ACSM3: variants seen among roughly 807,000 people sequenced by gnomAD.
The protein encoded by ACSM3 is acyl-CoA synthetase medium chain family member 3, also known as acyl-coenzyme A synthetase ACSM3, mitochondrial.
Under a neutral mutation model 74.1 loss-of-function variants are expected in ACSM3, and 61 were observed. The ratio of observed to expected loss-of-function variants is 0.82; its 90% CI spans 0.67 to 1.02. ACSM3 has a LOEUF of 1.02. Among genes scored for constraint, ACSM3 ranks in the 50% least tolerant of loss-of-function variants. ACSM3 has a pLI of 0.00. For synonymous variants in ACSM3, 213 were observed against 241.5 expected (o/e 0.88, Z 1.09); for missense variants, 660 against 697.0 (o/e 0.95, Z 0.60).
intron 1 of ACSM3, chr16:20,738,250 A>T (rs1336283584): frequency 2.0e-6 from 1 of 489,460 alleles, no homozygotes. Context: ...ATCCAACCGT[A>T]ACACCATGCT....
chr16:20,681,753 G>A (rs892808551), intron 1 of ACSM3: 1 of 153,298 alleles, frequency 6.5e-6, no homozygotes, highest in Non-Finnish European at 1.5e-5. Context: ...ATTAAAGAAT[G>A]CATAAGCAAA....
chr16:20,795,201 C>T (rs931132287), intron 12 of ACSM3, among the ~76,000 whole-genome samples: 1 of 151,996 alleles, frequency 6.6e-6, no homozygotes, highest in African/African-American at 2.4e-5. Context: ...TGTTTTTTTT[C>T]TTAGAGACAA....
chr16:20,752,753 G>A (rs748481531), intron 2 of ACSM3, among the ~76,000 whole-genome samples: 4 of 152,206 alleles, frequency 2.6e-5, no homozygotes, highest in Non-Finnish European at 5.9e-5. Context: ...GCTGCATTAG[G>A]TGAAAAGCTG....
intron 1 of ACSM3, chr16:20,680,554 C>T (rs1300076867): frequency 6.6e-6 from 1 of 152,232 alleles, no homozygotes. Context: ...TGCCAGTGAA[C>T]CAACAGCCTC....
intron 1 of ACSM3, chr16:20,764,587 G>T (rs1182671740): frequency 2.0e-5 from 3 of 152,242 alleles, no homozygotes; most frequent in Admixed American, 1.3e-4. Flanking sequence ...GCCAGGTGTG[G>T]TGGCAGGTGC....
At chr16:20,737,162 T>G in intron 1 of ACSM3, 1 of 1,614,216 alleles carries the variant, frequency 6.2e-7, no homozygotes, top group Non-Finnish European at 8.5e-7. Flanking sequence ...GATTGTATTT[T>G]CTAAACAACA....
intron 1 of ACSM3, among the ~76,000 whole-genome samples, chr16:20,724,404 C>A (rs1371226877): frequency 2.0e-5 from 3 of 152,126 alleles, no homozygotes; most frequent in Non-Finnish European, 1.5e-5. Flanking sequence ...CTATCTATGA[C>A]AAACCCACAG....
At chr16:20,742,620 C>G (rs2079936855) in intron 1 of ACSM3, among the ~76,000 whole-genome samples, 1 of 138,004 alleles carries the variant, frequency 7.2e-6, no homozygotes, top group African/African-American at 2.7e-5. Context: ...TCCAGCCTGG[C>G]AACAAAGCGA....
chr16:20,728,266 G>T (rs543385750), intron 1 of ACSM3: 1 of 446,868 alleles, frequency 2.2e-6, no homozygotes, highest in South Asian at 2.9e-5. Context: ...ATATCTGACC[G>T]GTTCAATAAA....
intron 1 of ACSM3, chr16:20,738,208 C>A: frequency 3.8e-6 from 2 of 527,376 alleles, no homozygotes; most frequent in African/African-American, 1.9e-5. Context: ...TAGGTAGACA[C>A]CGTTGTTAAC....
At chr16:20,733,910 AG>A (rs2079846993) in intron 1 of ACSM3, 1 of 152,150 alleles carries the variant, frequency 6.6e-6, no homozygotes, top group Non-Finnish European at 1.5e-5. Flanking sequence ...ATTTTTTAAA[AG>A]AAAAAACAAA....
chr16:20,686,978 ATTTTTTT>A (rs34041438), intron 1 of ACSM3, among the ~76,000 whole-genome samples: 1 of 135,984 alleles, frequency 7.4e-6, no homozygotes, highest in Non-Finnish European at 1.6e-5. Flanking sequence ...AAATTTTGTG[ATTTTTTT>A]TTTTTTTTTT....
chr16:20,735,175 C>G (rs751357300), intron 1 of ACSM3: 1 of 152,132 alleles, frequency 6.6e-6, no homozygotes, highest in African/African-American at 2.4e-5. Context: ...TGATGAAAAA[C>G]GTCTGCAAAA....
At chr16:20,783,947 A>G (rs923438523) in intron 7 of ACSM3, among the ~76,000 whole-genome samples, 4 of 152,148 alleles carry the variant, frequency 2.6e-5, no homozygotes, top group Middle Eastern at 3.2e-3. Context: ...GTAGGATTAC[A>G]GGTGTGCACC....
intron 1 of ACSM3, among the ~76,000 whole-genome samples, chr16:20,741,170 G>C (rs543537731): frequency 6.6e-6 from 1 of 152,186 alleles, no homozygotes; most frequent in Admixed American, 6.5e-5. Flanking sequence ...GCTGAGACAG[G>C]AGAAGTCGAG....
At chr16:20,682,407 G>T (rs1372002861) in intron 1 of ACSM3, 13 of 1,613,922 alleles carry the variant, frequency 8.1e-6, no homozygotes, top group Non-Finnish European at 1.0e-5. Flanking sequence ...GACAACTGTA[G>T]TCGATAGAGA....
Position 20,780,813 on chromosome 16 carries a change from A to G in ACSM3, c.738A>G (p.Ala246=), listed in dbSNP as rs1288500144. ...CAAGTGGATATCCGAAAATGACTGC[A>G]CACACCCACAGCAGTTTTGGTTTAG... ...SGTSGYPKMT[A]HTHSSFGLGL... The change falls in exon 5 of 14, where the codon GCA becomes GCG. Residue 246 remains alanine, a synonymous_variant. Coordinates refer to ENST00000289416, the MANE Select transcript of ACSM3 (RefSeq NM_005622.4). The G allele has an allele frequency of 6.2e-7, 1 of 1,614,126 alleles. No homozygotes were observed. Among genetic ancestry groups the G allele is most frequent in the African/African-American group, 1.3e-5 (1 of 74,950 alleles).
At chr16:20,740,712 G>A (rs937883653) in intron 1 of ACSM3, among the ~76,000 whole-genome samples, 11 of 152,150 alleles carry the variant, frequency 7.2e-5, no homozygotes, top group African/African-American at 2.7e-4. Flanking sequence ...ATCCCTCAGT[G>A]TGCGTGTGTG....
At chr16:20,754,726 C>T (rs778036548) in intron 2 of ACSM3, among the ~76,000 whole-genome samples, 27 of 152,062 alleles carry the variant, frequency 1.8e-4, no homozygotes, top group Non-Finnish European at 3.2e-4. Context: ...AGTTTAGGAC[C>T]ACCAACAAAT....
Sources: gnomAD v4.1 joint callset for allele counts (sites outside exome capture counted in the v4.1 genomes callset) on GRCh38, gnomAD v4.1.1 for gene constraint, MANE v1.5 for transcripts, NCBI Gene and HGNC (gene_info 2026-07-23, HGNC 2026-07-21) for gene names.